Variants in LRRC37A2 observed in about 807,000 individuals in gnomAD.
LRRC37A2 encodes leucine-rich repeat-containing protein 37A2.
A neutral mutation model predicts 68.8 loss-of-function variants in LRRC37A2; 9 were observed. The observed-to-expected ratio is 0.13, with a 90% CI of 0.08 to 0.23. The LOEUF (loss-of-function observed/expected upper bound fraction) is 0.23, where lower values mean the gene tolerates loss of function less well. Ranked by LOEUF, LRRC37A2 falls within the 10% of genes least tolerant of loss-of-function variation. LRRC37A2 has a pLI of 1.00. For missense variants in LRRC37A2, 168 were observed against 950.4 expected (o/e 0.18, Z 10.82); for synonymous variants, 63 against 367.6 (o/e 0.17, Z 9.48).
the LRRC37A2 span, among the ~76,000 whole-genome samples, chr17:46,894,139 T>C: frequency 2.0e-5 from 3 of 152,338 alleles, no homozygotes. Flanking sequence ...CAAAACACTG[T>C]TGGGTTGCGA....
the LRRC37A2 span, among the ~76,000 whole-genome samples, chr17:46,823,508 G>A: frequency 7.9e-5 from 12 of 151,642 alleles, no homozygotes; most frequent in Non-Finnish European, 5.9e-5. Flanking sequence ...GTGCAGTCTC[G>A]GCTCACTGCA....
At chr17:46,772,658 T>A in the LRRC37A2 span, among the ~76,000 whole-genome samples, 23 of 152,248 alleles carry the variant, frequency 1.5e-4, no homozygotes, top group Non-Finnish European at 2.2e-4. Flanking sequence ...ATTACCCTCC[T>A]GTCCCATGAC....
At chr17:46,941,579 T>C in the LRRC37A2 span, 1 of 257,834 alleles carries the variant, frequency 3.9e-6, no homozygotes. Context: ...TGATTTTATT[T>C]TATTTTTTAT....
chr17:46,808,377 G>A, the LRRC37A2 span, among the ~76,000 whole-genome samples: 1 of 152,248 alleles, frequency 6.6e-6, no homozygotes, highest in Admixed American at 6.5e-5. Flanking sequence ...CAGCCTTTGA[G>A]TGGAAGGTCA....
chr17:46,840,365 C>T, the LRRC37A2 span, among the ~76,000 whole-genome samples: 19 of 152,312 alleles, frequency 1.2e-4, no homozygotes, highest in East Asian at 1.4e-3. Flanking sequence ...GGATTACAGG[C>T]GCGAGCCACG....
the LRRC37A2 span, chr17:46,929,870 T>G: frequency 5.4e-6 from 2 of 370,274 alleles, no homozygotes; most frequent in Non-Finnish European, 1.0e-5. Flanking sequence ...TACCTAGTCC[T>G]TAGAGGAATG....
chr17:46,728,988 C>A, the LRRC37A2 span: 1 of 1,077,450 alleles, frequency 9.3e-7, no homozygotes. Context: ...TTCAGTAAAT[C>A]GCATATAATG....
chr17:46,840,366 G>A, the LRRC37A2 span, among the ~76,000 whole-genome samples: 3 of 152,292 alleles, frequency 2.0e-5, no homozygotes, highest in Non-Finnish European at 4.4e-5. Flanking sequence ...GATTACAGGC[G>A]CGAGCCACGG....
At chr17:46,807,225 G>A in the LRRC37A2 span, among the ~76,000 whole-genome samples, 7 of 152,384 alleles carry the variant, frequency 4.6e-5, no homozygotes, top group East Asian at 1.9e-4. Context: ...GCTTACGCCT[G>A]TCATCTCAGC....
At chr17:46,529,818 G>A (rs1313817162) in intron 6 of LRRC37A2, among the ~76,000 whole-genome samples, 2 of 120,386 alleles carry the variant, frequency 1.7e-5, no homozygotes, top group Non-Finnish European at 3.5e-5. Flanking sequence ...GAATGCCTTA[G>A]AACAGGAGGA....
chr17:46,966,464 C>A, the LRRC37A2 span: 1 of 627,750 alleles, frequency 1.6e-6, no homozygotes, highest in Non-Finnish European at 2.9e-6. Context: ...CCTCCCATCT[C>A]AGCCTCCAGG....
At chr17:46,915,209 G>A in the LRRC37A2 span, among the ~76,000 whole-genome samples, 1 of 152,314 alleles carries the variant, frequency 6.6e-6, no homozygotes, top group South Asian at 2.1e-4. Flanking sequence ...CAGAGGGTAC[G>A]ATATGGCTTT....
At chr17:46,783,304 G>T in the LRRC37A2 span, among the ~76,000 whole-genome samples, 1 of 152,236 alleles carries the variant, frequency 6.6e-6, no homozygotes, top group Non-Finnish European at 1.5e-5. Flanking sequence ...CTGGGGCCTG[G>T]TGATTTGTGG....
chr17:46,985,464 G>A, the LRRC37A2 span, among the ~76,000 whole-genome samples: 5 of 150,282 alleles, frequency 3.3e-5, no homozygotes, highest in Admixed American at 6.7e-5. Context: ...AGGTTGCAGT[G>A]AGCCAAGATC....
At chr17:46,864,194 T>C in the LRRC37A2 span, among the ~76,000 whole-genome samples, 1 of 152,152 alleles carries the variant, frequency 6.6e-6, no homozygotes, top group East Asian at 1.9e-4. Flanking sequence ...CAATGCGTCA[T>C]GGTTAAATAA....
the LRRC37A2 span, among the ~76,000 whole-genome samples, chr17:46,821,766 CCT>C: frequency 6.6e-6 from 1 of 152,184 alleles, no homozygotes; most frequent in Non-Finnish European, 1.5e-5. Context: ...CAACCCAACC[CCT>C]CTCTCTAGCT....
At chr17:46,773,667 C>T in the LRRC37A2 span, 1 of 1,270,566 alleles carries the variant, frequency 7.9e-7, no homozygotes. Context: ...CAAGGCAGTA[C>T]CTTTGTCGAG....
chr17:46,892,992 A>G, the LRRC37A2 span, among the ~76,000 whole-genome samples: 14 of 151,154 alleles, frequency 9.3e-5, no homozygotes, highest in Admixed American at 9.2e-4. Flanking sequence ...GCTGGAGTGC[A>G]TGGTGCGATC....
chr17:46,945,152 G>A, the LRRC37A2 span, among the ~76,000 whole-genome samples: 20 of 152,218 alleles, frequency 1.3e-4, no homozygotes, highest in Middle Eastern at 3.2e-3. Context: ...GAGCAGTCGA[G>A]GGGCAGGAGT....
Sources: gnomAD v4.1 joint callset for allele counts (sites outside exome capture counted in the v4.1 genomes callset) on GRCh38, gnomAD v4.1.1 for gene constraint, MANE v1.5 for transcripts, NCBI Gene and HGNC (gene_info 2026-07-23, HGNC 2026-07-21) for gene names.